The following DLGAP1 variants were observed in gnomAD, a reference collection of about 807,000 sequenced individuals.
DLGAP1 encodes the protein disks large-associated protein 1.
In DLGAP1, 11 loss-of-function variants were observed where a neutral mutation model predicts 90.8. That is an observed-to-expected ratio of 0.12 (90% CI 0.08 to 0.20). DLGAP1 has a LOEUF of 0.20. Ranked by LOEUF, DLGAP1 falls within the 10% of genes least tolerant of loss-of-function variation. The pLI, the probability that DLGAP1 is intolerant of heterozygous loss-of-function variation, is 1.00. For missense variants in DLGAP1, 1,050 were observed against 1,333.8 expected (o/e 0.79, Z 3.31); for synonymous variants, 558 against 540.7 (o/e 1.03, Z -0.44).
intron 7 of DLGAP1, among the ~76,000 whole-genome samples, chr18:3,674,296 A>AAAAATATATATATATATATATAT (rs755076240): frequency 4.7e-5 from 6 of 128,990 alleles, no homozygotes; most frequent in African/African-American, 1.9e-4. Flanking sequence ...ATAATATTAA[A>AAAAATATATATATATATATATAT]ATATATATAT....
At chr18:4,235,694 G>C (rs2078394152) in intron 1 of DLGAP1, among the ~76,000 whole-genome samples, 1 of 124,424 alleles carries the variant, frequency 8.0e-6, no homozygotes. Flanking sequence ...ATGGTTTACA[G>C]TTTTATAAAT....
At chr18:4,008,305 C>A (rs867477015) in intron 2 of DLGAP1, among the ~76,000 whole-genome samples, 1 of 151,990 alleles carries the variant, frequency 6.6e-6, no homozygotes. Context: ...TCCAGCTCTT[C>A]CGTAAAATAA....
chr18:4,105,171 TG>T (rs1216595356), intron 2 of DLGAP1, among the ~76,000 whole-genome samples: 3 of 152,082 alleles, frequency 2.0e-5, no homozygotes, highest in African/African-American at 7.2e-5. Context: ...TTTAGTGAGA[TG>T]TGTACCGAGT....
chr18:3,519,852 A>T (rs1339640901), intron 10 of DLGAP1, among the ~76,000 whole-genome samples: 1 of 152,158 alleles, frequency 6.6e-6, no homozygotes, highest in African/African-American at 2.4e-5. Flanking sequence ...TTTCTCCGCA[A>T]CTAGAGTAAT....
At chr18:3,796,951 A>G (rs568966170) in intron 5 of DLGAP1, among the ~76,000 whole-genome samples, 1 of 152,280 alleles carries the variant, frequency 6.6e-6, no homozygotes, top group Non-Finnish European at 1.5e-5. Context: ...GTGTGATGGT[A>G]TCTGGAGATG....
intron 7 of DLGAP1, among the ~76,000 whole-genome samples, chr18:3,614,620 C>T (rs1157114921): frequency 6.8e-6 from 1 of 147,516 alleles, no homozygotes; most frequent in Admixed American, 6.9e-5. Flanking sequence ...GTGGGCGGAT[C>T]ACCTGAGGTC....
chr18:3,552,716 C>T (rs989080813), intron 9 of DLGAP1, among the ~76,000 whole-genome samples: 2 of 152,192 alleles, frequency 1.3e-5, no homozygotes, highest in East Asian at 3.9e-4. Flanking sequence ...AGAAGAGACA[C>T]CCTCAGTCTC....
chr18:4,405,229 T>C (rs1465305590), intron 1 of DLGAP1, among the ~76,000 whole-genome samples: 2 of 152,202 alleles, frequency 1.3e-5, no homozygotes, highest in East Asian at 3.9e-4. Flanking sequence ...GGAGTATTAA[T>C]GCCATAGGTA....
intron 7 of DLGAP1, among the ~76,000 whole-genome samples, chr18:3,598,798 G>A (rs908445818): frequency 1.4e-5 from 2 of 145,590 alleles, no homozygotes; most frequent in Non-Finnish European, 3.0e-5. Flanking sequence ...GTCCCTTAAA[G>A]ACTGTATTTA....
Position 3,727,022 on chromosome 18 carries a change from C to T in DLGAP1, c.1591+2113G>A, listed in dbSNP as rs2062208734. 6.6e-6 allele frequency among the ~76,000 whole-genome samples: 1 copy of T among 152,216 alleles called. No homozygotes were observed. The highest frequency in any genetic ancestry group is 2.4e-5 in the African/African-American group (1 of 41,452). On this transcript the variant is annotated intron_variant, in intron 7 of 12. Transcript: ENST00000315677. The surrounding 1 kb of genome is among the most constrained non-coding windows in gnomAD (Gnocchi z 4.7). The stretch of plus-strand genomic sequence containing the variant: ...AAAATGGAACAACATGAGACACCCT[C>T]CCAGGGCTCATTCATCTCCTGCCCT...
intron 7 of DLGAP1, among the ~76,000 whole-genome samples, chr18:3,586,871 T>G (rs573596094): frequency 2.0e-5 from 3 of 152,300 alleles, no homozygotes; most frequent in Middle Eastern, 6.8e-3. Context: ...AGGAAAGATT[T>G]AGAACCCACT....
chr18:4,427,544 A>T (rs2083184307), intron 1 of DLGAP1, among the ~76,000 whole-genome samples: 2 of 152,164 alleles, frequency 1.3e-5, no homozygotes, highest in Non-Finnish European at 2.9e-5. Context: ...CAACTAGCAA[A>T]TCTCAGAACC....
At chr18:3,858,420 A>G (rs2069786360) in intron 4 of DLGAP1, among the ~76,000 whole-genome samples, 1 of 151,760 alleles carries the variant, frequency 6.6e-6, no homozygotes, top group Admixed American at 6.6e-5. Flanking sequence ...TCTGAAATAT[A>G]CTTAGTGCTC....
intron 4 of DLGAP1, chr18:3,845,294 G>T: frequency 1.2e-6 from 2 of 1,611,850 alleles, no homozygotes; most frequent in Non-Finnish European, 8.5e-7. Context: ...ATTCATCTCA[G>T]CTTTGATTTG....
intron 1 of DLGAP1, among the ~76,000 whole-genome samples, chr18:4,347,376 TA>T (rs1307592397): frequency 6.6e-6 from 1 of 152,066 alleles, no homozygotes; most frequent in African/African-American, 2.4e-5. Flanking sequence ...TACCTAAACC[TA>T]AAAAACTTTG....
Position 4,063,562 on chromosome 18 carries a change from T to TCTCCATTAATG in DLGAP1, c.-158-58372_-158-58362dup, listed in dbSNP as rs1487268542. ...GGGGCAAATTTGCATTTTTAGAGAATCTCCATTAATGCAGTCATACCCCCT... is the reference window on the plus strand; with the variant it reads ...GGGGCAAATTTGCATTTTTAGAGAATCTCCATTAATGCTCCATTAATGCAGTCATACCCCCT... On this transcript the variant is annotated intron_variant, in intron 2 of 12. Transcript: ENST00000315677. Among the ~76,000 whole-genome samples the TCTCCATTAATG allele has an allele frequency of 4.6e-5, 7 of 152,096 alleles. No individual in the cohort carries two copies. The East Asian group carries it at 1.3e-3, about 29-fold the overall frequency.
chr18:3,795,528 A>C (rs966922929), intron 5 of DLGAP1, among the ~76,000 whole-genome samples: 9 of 152,032 alleles, frequency 5.9e-5, no homozygotes, highest in South Asian at 4.2e-4. Context: ...GTTGGCCAGG[A>C]TGGTCTCGAT....
At chr18:4,134,788 A>AT (rs1028307260) in intron 2 of DLGAP1, among the ~76,000 whole-genome samples, 10 of 151,864 alleles carry the variant, frequency 6.6e-5, no homozygotes, top group Admixed American at 2.6e-4. Flanking sequence ...CCAGGACATG[A>AT]TTTTTTTTCC....
In DLGAP1 at chr18:4,192,648, T is replaced by C. The variant is rs371264070; in HGVS notation, c.-266-41361A>G. Reference sequence around the variant, plus strand: ...TATGTGCCCCTGAGAGGGATTAACATTAAAGTCAAGAAGAAGCAGCCAAGT... The same window carrying C: ...TATGTGCCCCTGAGAGGGATTAACACTAAAGTCAAGAAGAAGCAGCCAAGT... On this transcript the variant is annotated intron_variant, in intron 1 of 12. Coordinates refer to ENST00000315677, the MANE Select transcript of DLGAP1 (RefSeq NM_004746.4). Among the ~76,000 whole-genome samples the C allele has an allele frequency of 2.1e-4, 32 of 152,236 alleles. 2 individuals are homozygous for C. The highest frequency in any genetic ancestry group is 3.9e-4 in the Admixed American group (6 of 15,288).
Sources: gnomAD v4.1 joint callset for allele counts (sites outside exome capture counted in the v4.1 genomes callset) on GRCh38, gnomAD v4.1.1 for gene constraint, Gnocchi (gnomAD v3.1) non-coding constraint, MANE v1.5 for transcripts, NCBI Gene and HGNC (gene_info 2026-07-23, HGNC 2026-07-21) for gene names.